Variants in CHRM3 observed in about 807,000 individuals in gnomAD.
CHRM3 encodes muscarinic acetylcholine receptor M3.
A neutral mutation model predicts 41.8 loss-of-function variants in CHRM3; 11 were observed. The observed-to-expected ratio is 0.26, with a 90% CI of 0.17 to 0.44. CHRM3 has a LOEUF of 0.44. Among genes scored for constraint, CHRM3 ranks in the 20% least tolerant of loss-of-function variants. The pLI is 1.00. For synonymous variants in CHRM3, 297 were observed against 301.4 expected (o/e 0.99, Z 0.15); for missense variants, 571 against 745.4 (o/e 0.77, Z 2.72).
At chr1:239,771,565 G>A (rs890078658) in intron 5 of CHRM3, among the ~76,000 whole-genome samples, 39 of 152,222 alleles carry the variant, frequency 2.6e-4, no homozygotes, top group Admixed American at 2.0e-4. Flanking sequence ...CTAAGTGGAC[G>A]TCAAGGCAGA....
intron 1 of CHRM3, among the ~76,000 whole-genome samples, chr1:239,403,334 T>C (rs924922063): frequency 3.9e-5 from 6 of 152,256 alleles, no homozygotes; most frequent in African/African-American, 1.2e-4. Context: ...ATTAAGTATT[T>C]GTTGTTGACT....
intron 5 of CHRM3, among the ~76,000 whole-genome samples, chr1:239,766,644 A>G (rs1326831653): frequency 6.6e-6 from 1 of 151,246 alleles, no homozygotes; most frequent in Non-Finnish European, 1.5e-5. Context: ...AAATATAGAT[A>G]GATATAGATG....
intron 6 of CHRM3, among the ~76,000 whole-genome samples, chr1:239,849,532 T>C (rs1674529578): frequency 6.6e-6 from 1 of 152,194 alleles, no homozygotes. Flanking sequence ...ATAATAAAAA[T>C]ATAACATTTG....
chr1:239,844,364 C>T (rs868839388), intron 6 of CHRM3, among the ~76,000 whole-genome samples: 7 of 152,052 alleles, frequency 4.6e-5, no homozygotes, highest in South Asian at 2.1e-4. Flanking sequence ...TAATGCAATG[C>T]GCTTATTTGT....
intron 6 of CHRM3, among the ~76,000 whole-genome samples, chr1:239,828,627 T>C (rs1016436549): frequency 3.3e-5 from 5 of 151,952 alleles, no homozygotes; most frequent in African/African-American, 1.2e-4. Flanking sequence ...TGGGAGCACA[T>C]TTGGAGTATT....
At chr1:239,858,297 C>T (rs1009231415) in intron 6 of CHRM3, among the ~76,000 whole-genome samples, 1 of 152,082 alleles carries the variant, frequency 6.6e-6, no homozygotes, top group Non-Finnish European at 1.5e-5. Flanking sequence ...CATCCCTTTC[C>T]TTCTCCACCC....
chr1:239,827,596 G>T (rs1203763721), intron 6 of CHRM3, among the ~76,000 whole-genome samples: 1 of 152,088 alleles, frequency 6.6e-6, no homozygotes, highest in Admixed American at 6.5e-5. Context: ...GACATAGGGT[G>T]GGTAAAAGGT....
intron 6 of CHRM3, among the ~76,000 whole-genome samples, chr1:239,829,659 C>A (rs1672745431): frequency 6.6e-6 from 1 of 152,112 alleles, no homozygotes; most frequent in Non-Finnish European, 1.5e-5. Flanking sequence ...AAGGCTAGGA[C>A]AGATGGCACA....
intron 4 of CHRM3, among the ~76,000 whole-genome samples, chr1:239,637,287 C>T (rs186848797): frequency 8.7e-4 from 133 of 152,030 alleles, no homozygotes; most frequent in Non-Finnish European, 1.2e-3. Flanking sequence ...TGTTTATATG[C>T]GTAGAAAATG....
At chr1:239,770,512 GA>G (rs1667575008) in intron 5 of CHRM3, among the ~76,000 whole-genome samples, 1 of 152,122 alleles carries the variant, frequency 6.6e-6, no homozygotes, top group African/African-American at 2.4e-5. Flanking sequence ...TAAGAGCCTG[GA>G]TAAAAATTTC....
chr1:239,619,631 C>T (rs1209243934), intron 3 of CHRM3, among the ~76,000 whole-genome samples: 1 of 152,002 alleles, frequency 6.6e-6, no homozygotes, highest in Non-Finnish European at 1.5e-5. Context: ...TGGTTTGTGG[C>T]GGAAGCACCC....
At chr1:239,611,449 TCTCA>T (rs2148751832) in intron 3 of CHRM3, among the ~76,000 whole-genome samples, 1 of 124,372 alleles carries the variant, frequency 8.0e-6, no homozygotes, top group South Asian at 2.6e-4. Flanking sequence ...TGAGACGGAG[TCTCA>T]CTCTGTTGCT....
At chr1:239,414,683 G>A (rs1458350186) in intron 1 of CHRM3, among the ~76,000 whole-genome samples, 1 of 152,198 alleles carries the variant, frequency 6.6e-6, no homozygotes, top group Admixed American at 6.5e-5. Flanking sequence ...TCGATTCAAT[G>A]GAGAGTGTAG....
chr1:239,781,250 C>A (rs142397935), intron 5 of CHRM3, among the ~76,000 whole-genome samples: 87 of 152,236 alleles, frequency 5.7e-4, no homozygotes, highest in African/African-American at 2.0e-3. Context: ...TGAAACATCT[C>A]TCCATTTATT....
rs1245251224 is a variant in CHRM3, at chr1:239,748,944, C to T, written c.-147+70656C>T. ...ACTGGCAGTTCTTTGCAAATGGGTG[C>T]TGCGTGAGTATCAGTACTGAAATGC... On this transcript the variant is annotated intron_variant, in intron 5 of 6. Coordinates refer to ENST00000676153, the MANE Select transcript of CHRM3 (RefSeq NM_001375978.1). This position sits in a 1 kb window ranked among gnomAD's most constrained non-coding sequence, Gnocchi z 4.3. Among the ~76,000 whole-genome samples the T allele has an allele frequency of 6.6e-6, 1 of 152,142 alleles. No individual in the cohort carries two copies. The highest frequency in any genetic ancestry group is 1.9e-4 in the East Asian group (1 of 5,188).
Position 239,864,546 on chromosome 1 carries a change from G to A in CHRM3, c.-20+37168G>A, listed in dbSNP as rs6669950. 4.0e-3 allele frequency among the ~76,000 whole-genome samples: 340 copies of A among 85,800 alleles called. 2 individuals carry two copies. The highest frequency in any genetic ancestry group is 5.4e-3 in the Non-Finnish European group (215 of 40,142). The allele number at this position is 85,800 out of a possible 152,430, so 56.3% of individuals were successfully genotyped here. ...CACACACACACACACACACACACACGCACACACACACACATATACATATAT... is the reference window on the plus strand; with the variant it reads ...CACACACACACACACACACACACACACACACACACACACATATACATATAT... On this transcript the variant is annotated intron_variant, in intron 6 of 6. Coordinates refer to ENST00000676153, the MANE Select transcript of CHRM3 (RefSeq NM_001375978.1).
rs1006896139 is a variant in CHRM3 at position 239,477,069 on chromosome 1, A to G, written c.-520-15640A>G. Among the ~76,000 whole-genome samples the G allele has an allele frequency of 2.0e-5, 3 of 152,340 alleles. No homozygotes were observed. The South Asian group carries it at 6.2e-4, about 32-fold the overall frequency. Reference sequence around the variant, plus strand: ...TGCAAAATTGCTGAGCTAAAGTAGCATAATGATTTCATGAAAGTCCACCAA... The same window carrying G: ...TGCAAAATTGCTGAGCTAAAGTAGCGTAATGATTTCATGAAAGTCCACCAA... On this transcript the variant is annotated intron_variant, in intron 1 of 6. Transcript: ENST00000676153.
intron 5 of CHRM3, among the ~76,000 whole-genome samples, chr1:239,770,719 G>A (rs528926797): frequency 2.6e-5 from 4 of 152,222 alleles, no homozygotes; most frequent in East Asian, 1.9e-4. Flanking sequence ...ATTATCATTG[G>A]TGATATAAGG....
At chr1:239,830,082 T>C (rs1435491502) in intron 6 of CHRM3, among the ~76,000 whole-genome samples, 1 of 141,060 alleles carries the variant, frequency 7.1e-6, no homozygotes, top group Admixed American at 7.6e-5. Flanking sequence ...TTGTGAAATA[T>C]GCCTTTTTAA....
Sources: allele counts gnomAD v4.1 joint callset (sites outside exome capture counted in the v4.1 genomes callset), GRCh38; gene constraint gnomAD v4.1.1; non-coding constraint Gnocchi (gnomAD v3.1); transcripts MANE v1.5; gene names NCBI Gene and HGNC (gene_info 2026-07-23, HGNC 2026-07-21).